TYW1B: variants seen among roughly 807,000 people sequenced by gnomAD.
TYW1B encodes S-adenosyl-L-methionine-dependent tRNA 4-demethylwyosine synthase TYW1B.
A neutral mutation model predicts 86.9 loss-of-function variants in TYW1B; 73 were observed. The ratio of observed to expected loss-of-function variants is 0.84; its 90% CI spans 0.70 to 1.02. The LOEUF (loss-of-function observed/expected upper bound fraction) is 1.02. TYW1B is among the 50% of genes least tolerant of loss of function. TYW1B has a pLI of 0.00. For missense variants in TYW1B, 637 were observed against 827.4 expected, an observed-to-expected ratio of 0.77 and a Z score of 2.82; for synonymous variants, 248 against 292.8, an observed-to-expected ratio of 0.85 and a Z score of 1.56.
intron 13 of TYW1B, among the ~76,000 whole-genome samples, chr7:72,595,261 T>C (rs1357041334): frequency 6.6e-6 from 1 of 152,208 alleles, no homozygotes; most frequent in African/African-American, 2.4e-5. Context: ...ACCAAAAAAC[T>C]GTTTAAACTA....
intron 13 of TYW1B, among the ~76,000 whole-genome samples, 179 bp downstream of exon 13, chr7:72,616,493 A>G (rs782610396): frequency 2.6e-5 from 4 of 152,230 alleles, no homozygotes; most frequent in Non-Finnish European, 4.4e-5. Flanking sequence ...GCAATTTCAC[A>G]TGGAAAAGAG....
chr7:72,729,193 A>G (rs2960998), intron 8 of TYW1B, among the ~76,000 whole-genome samples: 105,682 of 152,028 alleles, frequency 0.7, 37,590 homozygotes, highest in Non-Finnish European at 0.77. Flanking sequence ...TTGACAGAAC[A>G]CTCTCTGCTG....
At position 72,682,587 on chromosome 7, in the gene TYW1B, C is replaced by G. The variant is rs184614003; in HGVS notation, c.1506+12100G>C. Among the ~76,000 whole-genome samples, 190 of 152,272 alleles carry G rather than the reference C, an allele frequency of 1.2e-3. 2 individuals are homozygous for G. The highest frequency in any genetic ancestry group is 5.9e-3 in the Admixed American group (90 of 15,280). On this transcript the variant is annotated intron_variant, in intron 11 of 13. Transcript: ENST00000620995. ...CAACTTAAAATTAACCCCTACGAGCCTTCTAGTTTCCAATGCAGCAAGAAA... is the reference window on the plus strand; with the variant it reads ...CAACTTAAAATTAACCCCTACGAGCGTTCTAGTTTCCAATGCAGCAAGAAA...
intron 7 of TYW1B, among the ~76,000 whole-genome samples, chr7:72,760,088 T>C (rs963190151): frequency 5.9e-5 from 9 of 152,160 alleles, no homozygotes; most frequent in African/African-American, 1.9e-4. Context: ...CTAAAGTTCT[T>C]CCCTGCCTAT....
intron 13 of TYW1B, among the ~76,000 whole-genome samples, chr7:72,604,798 C>A (rs879948318): frequency 2.0e-5 from 3 of 152,198 alleles, no homozygotes; most frequent in Non-Finnish European, 4.4e-5. Context: ...CTGTAGGCAA[C>A]TGTGGTCATC....
chr7:72,753,128 A>G (rs1787529122), intron 7 of TYW1B, among the ~76,000 whole-genome samples: 1 of 152,026 alleles, frequency 6.6e-6, no homozygotes, highest in South Asian at 2.1e-4. Flanking sequence ...AAAAAAAAAA[A>G]GAAAGAAGAG....
At chr7:72,638,783 G>C (rs1554441106) in intron 11 of TYW1B, among the ~76,000 whole-genome samples, 3 of 152,220 alleles carry the variant, frequency 2.0e-5, no homozygotes, top group Non-Finnish European at 4.4e-5. Flanking sequence ...TTAACAACCA[G>C]ATGTTGTGTG....
At chr7:72,677,862 C>A (rs1476650226) in intron 11 of TYW1B, among the ~76,000 whole-genome samples, 6 of 152,094 alleles carry the variant, frequency 3.9e-5, no homozygotes, top group African/African-American at 1.4e-4. Context: ...CCACCATGCC[C>A]GGCTAATTTT....
chr7:72,710,809 AAAAT>A (rs1268673871), intron 10 of TYW1B, among the ~76,000 whole-genome samples: 1 of 152,246 alleles, frequency 6.6e-6, no homozygotes. Flanking sequence ...CTTTGTCTCA[AAAAT>A]AAATAAACAA....
At chr7:72,780,733 A>G (rs1203355345) in intron 6 of TYW1B, among the ~76,000 whole-genome samples, 1 of 152,180 alleles carries the variant, frequency 6.6e-6, no homozygotes, top group Admixed American at 6.6e-5. Flanking sequence ...AGGACAAACA[A>G]AATTCATCAC....
chr7:72,632,391 TATATATATA>T (rs1812539675), intron 11 of TYW1B, among the ~76,000 whole-genome samples: 2 of 98,828 alleles, frequency 2.0e-5, no homozygotes, highest in African/African-American at 5.7e-5. Flanking sequence ...TATATACGTA[TATATATATA>T]ATATATATAT....
At chr7:72,815,591 G>C (rs1216207630) in intron 2 of TYW1B, 110 bp from the exon 3 acceptor site, 2 of 1,003,714 alleles carry the variant, frequency 2.0e-6, no homozygotes, top group Admixed American at 2.8e-5. Flanking sequence ...AATGTTTTCA[G>C]TGACTGATAT....
intron 3 of TYW1B, 28 bp downstream of exon 3, chr7:72,815,352 T>C (rs1554479199): frequency 1.3e-6 from 2 of 1,558,422 alleles, no homozygotes; most frequent in East Asian, 2.3e-5. Flanking sequence ...TTTGAGAGTT[T>C]TGATTGAAGA....
chr7:72,707,311 G>A (rs561185429), intron 10 of TYW1B, among the ~76,000 whole-genome samples: 1 of 152,384 alleles, frequency 6.6e-6, no homozygotes, highest in East Asian at 1.9e-4. Context: ...GCTGGGGGAT[G>A]AGAGGTCATG....
At chr7:72,608,733 C>G (rs1276494156) in intron 13 of TYW1B, among the ~76,000 whole-genome samples, 1 of 152,130 alleles carries the variant, frequency 6.6e-6, no homozygotes, top group Admixed American at 6.5e-5. Flanking sequence ...CGAAGTGGCT[C>G]TATTATTGTC....
chr7:72,800,945 T>C (rs1378299554), intron 6 of TYW1B, among the ~76,000 whole-genome samples: 1 of 152,190 alleles, frequency 6.6e-6, no homozygotes, highest in Middle Eastern at 3.2e-3. Context: ...AAACAAGGAA[T>C]GTCTTTCCAT....
intron 13 of TYW1B, among the ~76,000 whole-genome samples, chr7:72,591,655 TTC>T (rs1196448509): frequency 6.6e-6 from 1 of 152,168 alleles, no homozygotes; most frequent in Non-Finnish European, 1.5e-5. Context: ...CTACTAGATC[TTC>T]CCTGTAAGAA....
In TYW1B at chr7:72,575,823, A is replaced by G. The variant is rs1306749578; in HGVS notation, c.1786-104T>C. On this transcript the variant is annotated intron_variant, in intron 13 of 13. Transcript: ENST00000620995. ...ACAAGTCTGATCTTTTCTCCCTATC[A>G]CGCCAAGAAAACAAAAACAAAAACA... The G allele has an allele frequency of 7.3e-6, 11 of 1,510,152 alleles. No homozygotes were observed. The Admixed American group carries it at 9.4e-5, about 13-fold the overall frequency. 93.5% of individuals were successfully genotyped at this position (1,510,152 alleles called of 1,614,324 possible).
rs1167544457 is a variant in TYW1B, at chr7:72,616,974, T to C, written c.1618-135A>G. ...TATTTTACAGTGAAGGAAGTGAATA[T>C]AGAGATGATAAAATCTGCCTAGGAG... On this transcript the variant is annotated intron_variant, in intron 12 of 13. Transcript: ENST00000620995. 8.4e-6 allele frequency: 10 copies of C among 1,188,960 alleles called. No homozygotes were observed. The African/African-American group carries it at 9.1e-5, about 11-fold the overall frequency. 73.7% of individuals were successfully genotyped at this position (1,188,960 alleles called of 1,614,324 possible). A position where few individuals can be genotyped will look rare whatever the true frequency, so the allele number is the denominator to read the frequency against.
Sources: gnomAD v4.1 joint callset for allele counts (sites outside exome capture counted in the v4.1 genomes callset) on GRCh38, gnomAD v4.1.1 for gene constraint, MANE v1.5 for transcripts, NCBI Gene and HGNC (gene_info 2026-07-23, HGNC 2026-07-21) for gene names.